Variants in SLC10A7 observed in about 807,000 individuals in gnomAD.
SLC10A7 encodes the protein solute carrier family 10 member 7.
A neutral mutation model predicts 43.2 loss-of-function variants in SLC10A7; 29 were observed. The ratio of observed to expected loss-of-function variants is 0.67; its 90% CI spans 0.50 to 0.92. SLC10A7 has a LOEUF of 0.92. Among genes scored for constraint, SLC10A7 ranks in the 40% least tolerant of loss-of-function variants. The pLI is 0.00. For synonymous variants in SLC10A7, 152 were observed against 144.8 expected (o/e 1.05, Z -0.35); for missense variants, 295 against 403.2 (o/e 0.73, Z 2.30).
At chr4:146,520,988 T>G (rs1738579522) in intron 1 of SLC10A7, among the ~76,000 whole-genome samples, 1 of 152,128 alleles carries the variant, frequency 6.6e-6, no homozygotes, top group African/African-American at 2.4e-5. Context: ...ACACATAGTC[T>G]AACAGTCTGT....
At chr4:146,512,228 C>A (rs1011179944) in intron 2 of SLC10A7, among the ~76,000 whole-genome samples, 2 of 152,116 alleles carry the variant, frequency 1.3e-5, no homozygotes, top group Admixed American at 6.5e-5. Context: ...CCCGCCTTGG[C>A]CTCCCCAAGT....
chr4:146,462,016 A>G (rs552373891), intron 4 of SLC10A7, among the ~76,000 whole-genome samples: 1 of 152,208 alleles, frequency 6.6e-6, no homozygotes, highest in African/African-American at 2.4e-5. Flanking sequence ...AATAGTTCTC[A>G]TGTAAATTTT....
At chr4:146,445,019 T>G in intron 4 of SLC10A7, among the ~76,000 whole-genome samples, 1 of 152,150 alleles carries the variant, frequency 6.6e-6, no homozygotes, top group East Asian at 1.9e-4. Flanking sequence ...GTATCTTGAC[T>G]TAGGGAGGAA....
At chr4:146,302,858 T>TAGTC (rs1288997710) in intron 7 of SLC10A7, among the ~76,000 whole-genome samples, 1 of 152,238 alleles carries the variant, frequency 6.6e-6, no homozygotes, top group African/African-American at 2.4e-5. Context: ...ATGCTAAATT[T>TAGTC]AGTCCCTTTT....
chr4:146,406,284 G>A (rs1477591519), intron 5 of SLC10A7, among the ~76,000 whole-genome samples: 4 of 152,068 alleles, frequency 2.6e-5, no homozygotes, highest in African/African-American at 7.2e-5. Flanking sequence ...ATAAATTATT[G>A]GGATCTCAGG....
intron 5 of SLC10A7, among the ~76,000 whole-genome samples, chr4:146,391,948 C>T (rs1738462545): frequency 1.3e-5 from 2 of 152,180 alleles, no homozygotes; most frequent in South Asian, 2.1e-4. Context: ...TTATGCGTCT[C>T]AGGAATAAAA....
chr4:146,323,486 C>T (rs756467616), intron 6 of SLC10A7, among the ~76,000 whole-genome samples: 57 of 152,138 alleles, frequency 3.7e-4, no homozygotes, highest in Non-Finnish European at 6.6e-4. Flanking sequence ...AATAGGGAAA[C>T]CTTTCCCCAT....
intron 5 of SLC10A7, among the ~76,000 whole-genome samples, chr4:146,381,766 C>T (rs1737639067): frequency 6.6e-6 from 1 of 152,120 alleles, no homozygotes; most frequent in Non-Finnish European, 1.5e-5. Flanking sequence ...CTTAAAACTA[C>T]CCTTGGAAGG....
At chr4:146,472,034 A>G (rs1250215698) in intron 4 of SLC10A7, among the ~76,000 whole-genome samples, 1 of 152,170 alleles carries the variant, frequency 6.6e-6, no homozygotes, top group Non-Finnish European at 1.5e-5. Flanking sequence ...ACTAAAAATA[A>G]AGAGAAATAA....
At chr4:146,417,728 A>C (rs1406319451) in intron 5 of SLC10A7, among the ~76,000 whole-genome samples, 1 of 152,292 alleles carries the variant, frequency 6.6e-6, no homozygotes, top group African/African-American at 2.4e-5. Context: ...GCTTGCACAA[A>C]ACATATCACT....
intron 4 of SLC10A7, among the ~76,000 whole-genome samples, chr4:146,499,913 T>C (rs1426320812): frequency 6.6e-6 from 1 of 152,206 alleles, no homozygotes; most frequent in Non-Finnish European, 1.5e-5. Flanking sequence ...AGGATATGGA[T>C]GAAATGTGAA....
chr4:146,333,692 G>C (rs543368959), intron 5 of SLC10A7, among the ~76,000 whole-genome samples: 5 of 152,250 alleles, frequency 3.3e-5, no homozygotes, highest in Admixed American at 3.3e-4. Flanking sequence ...AATCAGAAAA[G>C]CCTAGTAATC....
chr4:146,429,658 A>G (rs1409819955), intron 5 of SLC10A7, among the ~76,000 whole-genome samples: 4 of 152,198 alleles, frequency 2.6e-5, no homozygotes, highest in Admixed American at 2.0e-4. Flanking sequence ...AATTAACTAC[A>G]CTAACCAGTT....
intron 5 of SLC10A7, among the ~76,000 whole-genome samples, chr4:146,425,674 T>G (rs1322650630): frequency 6.6e-6 from 1 of 152,192 alleles, no homozygotes; most frequent in Non-Finnish European, 1.5e-5. Context: ...AGCAGGACTT[T>G]AAGGTATGGT....
intron 5 of SLC10A7, among the ~76,000 whole-genome samples, chr4:146,437,516 T>C (rs1730301098): frequency 6.6e-6 from 1 of 152,120 alleles, no homozygotes; most frequent in Admixed American, 6.5e-5. Flanking sequence ...TAAAAACTTT[T>C]TTATAAACAA....
Position 146,521,800 on chromosome 4 carries a change from C to A in SLC10A7, c.-83G>T. 8.9e-7 allele frequency: 1 copy of A among 1,125,826 alleles called. No individual in the cohort carries two copies. The highest frequency in any genetic ancestry group is 1.3e-6 in the Non-Finnish European group (1 of 747,968). 69.7% of individuals were successfully genotyped at this position (1,125,826 alleles called of 1,614,324 possible). A position where few individuals can be genotyped will look rare whatever the true frequency, so the allele number is the denominator to read the frequency against. On this transcript the variant is annotated 5_prime_UTR_variant, in exon 1 of 12. It introduces an in-frame stop codon into an upstream open reading frame of the 5' UTR. Coordinates refer to ENST00000335472, the MANE Select transcript of SLC10A7 (RefSeq NM_001029998.6). ...CGATCACCTAATCCTTGGAGCGTCT[C>A]CACACTTTCCTTGGTCCCTCCAGAC...
At chr4:146,492,528 C>G (rs971643421) in intron 4 of SLC10A7, among the ~76,000 whole-genome samples, 2 of 152,036 alleles carry the variant, frequency 1.3e-5, no homozygotes, top group African/African-American at 4.8e-5. Context: ...CCACCATGCC[C>G]GGCTAAATTT....
At chr4:146,324,477 C>A (rs1413247915) in intron 6 of SLC10A7, among the ~76,000 whole-genome samples, 1 of 152,182 alleles carries the variant, frequency 6.6e-6, no homozygotes, top group Non-Finnish European at 1.5e-5. Context: ...GCTGTAACAT[C>A]TCCCCCGCTC....
chr4:146,271,280 A>G (rs1728876226), intron 10 of SLC10A7, among the ~76,000 whole-genome samples: 1 of 152,128 alleles, frequency 6.6e-6, no homozygotes, highest in African/African-American at 2.4e-5. Flanking sequence ...ATGACTTTCA[A>G]CCACTAACAT....
Sources: gnomAD v4.1 joint callset for allele counts (sites outside exome capture counted in the v4.1 genomes callset) on GRCh38, gnomAD v4.1.1 for gene constraint, MANE v1.5 for transcripts, NCBI Gene and HGNC (gene_info 2026-07-23, HGNC 2026-07-21) for gene names.